Variants in MELK observed in about 807,000 individuals in gnomAD.
The protein encoded by MELK is pEg3 kinase.
Under a neutral mutation model 85.0 loss-of-function variants are expected in MELK, and 81 were observed. The ratio of observed to expected loss-of-function variants is 0.95; its 90% CI spans 0.80 to 1.15. MELK has a LOEUF of 1.15. MELK is among the 50% of genes most tolerant of loss of function. The probability of loss-of-function intolerance (pLI) is 0.00; values close to 1 mark genes in which losing one functional copy is unlikely to be tolerated. For missense variants in MELK, 754 were observed against 777.5 expected (o/e 0.97, Z 0.36); for synonymous variants, 252 against 265.0 (o/e 0.95, Z 0.48).
chr9:36,579,488 T>A (rs544753660), intron 1 of MELK, among the ~76,000 whole-genome samples: 1 of 152,372 alleles, frequency 6.6e-6, no homozygotes, highest in South Asian at 2.1e-4. Flanking sequence ...TAATTTGTTG[T>A]CTACTTATTT....
chr9:36,593,865 G>A (rs1282305272), intron 4 of MELK, among the ~76,000 whole-genome samples: 16 of 152,060 alleles, frequency 1.1e-4, no homozygotes, highest in East Asian at 1.9e-4. Flanking sequence ...CTAATTTTTT[G>A]TATTTTTAGT....
At chr9:36,645,711 T>C (rs1321439274) in intron 11 of MELK, among the ~76,000 whole-genome samples, 7 of 152,170 alleles carry the variant, frequency 4.6e-5, no homozygotes, top group African/African-American at 1.7e-4. Context: ...GATGATTCAG[T>C]TGGTCTAGGG....
chr9:36,594,902 T>G, intron 5 of MELK, 131 bp downstream of exon 5: 2 of 944,832 alleles, frequency 2.1e-6, no homozygotes, highest in Non-Finnish European at 2.9e-6. Context: ...GTCATACCTA[T>G]CAGATTTCTT....
At chr9:36,585,655 G>T (rs1822816788) in intron 3 of MELK, among the ~76,000 whole-genome samples, 1 of 152,064 alleles carries the variant, frequency 6.6e-6, no homozygotes, top group South Asian at 2.1e-4. Context: ...AATAATTTTT[G>T]GTTGGGTGTG....
Position 36,633,097 on chromosome 9 carries a change from A to C in MELK, c.736-5A>C. ...AATCTCTAGCTACTTTTTAATGGCC[A>C]CTAGGTGGACCCAAAGAAACGGATT... On this transcript the variant is annotated splice_polypyrimidine_tract_variant and splice_region_variant and intron_variant, in intron 9 of 17. Coordinates refer to ENST00000298048, the MANE Select transcript of MELK (RefSeq NM_014791.4). 1 of 1,600,764 alleles carries C rather than the reference A, an allele frequency of 6.2e-7. No homozygotes were observed. Among genetic ancestry groups the C allele is most frequent in the South Asian group, 1.1e-5 (1 of 88,664 alleles).
intron 1 of MELK, among the ~76,000 whole-genome samples, chr9:36,574,356 G>T (rs1403257154): frequency 6.7e-6 from 1 of 150,300 alleles, no homozygotes; most frequent in Non-Finnish European, 1.5e-5. Flanking sequence ...AGGCCGAGGT[G>T]GGCGGATCAC....
intron 8 of MELK, among the ~76,000 whole-genome samples, chr9:36,627,524 C>CTCTT (rs761874079): frequency 3.0e-5 from 4 of 134,520 alleles, no homozygotes; most frequent in Non-Finnish European, 6.3e-5. Context: ...CTCTCTCTCT[C>CTCTT]TTTTTTTTTT....
chr9:36,664,733 C>T (rs1178716939), intron 13 of MELK, among the ~76,000 whole-genome samples: 1 of 152,164 alleles, frequency 6.6e-6, no homozygotes, highest in African/African-American at 2.4e-5. Flanking sequence ...GGTTCTAACT[C>T]ACCACCTTGC....
intron 12 of MELK, among the ~76,000 whole-genome samples, chr9:36,652,235 C>T (rs145390231): frequency 1.7e-4 from 26 of 150,456 alleles, no homozygotes; most frequent in African/African-American, 3.4e-4. Context: ...TTAGTAGAGA[C>T]GGGGTTTTGC....
In MELK at chr9:36,636,777, T is replaced by TG. The variant is rs1246989943; in HGVS notation, c.834+3577_834+3578insG. Among the ~76,000 whole-genome samples, 828 of 132,394 alleles carry TG rather than the reference T, an allele frequency of 6.3e-3. 6 individuals carry two copies. The highest frequency in any genetic ancestry group is 0.022 in the African/African-American group (709 of 32,200). The allele number at this position is 132,394 out of a possible 152,430, so 86.9% of individuals were successfully genotyped here. ...CTTTCTTTCTTTCTTTCTTTCTTTC[T>TG]TTCTTTCTGTCTGTCTTTCTTTCTT... On this transcript the variant is annotated intron_variant, in intron 10 of 17. Transcript: ENST00000298048.
chr9:36,599,273 C>T (rs911261584), intron 6 of MELK, 121 bp from the exon 7 acceptor site: 12 of 607,352 alleles, frequency 2.0e-5, no homozygotes, highest in Non-Finnish European at 3.1e-5. Flanking sequence ...TGCACTCCAG[C>T]CTGGGTGACA....
chr9:36,580,729 AT>A (rs113212041), intron 1 of MELK, among the ~76,000 whole-genome samples: 1,953 of 139,860 alleles, frequency 0.014, 18 homozygotes, highest in African/African-American at 0.024. Flanking sequence ...TCTTTGAGAA[AT>A]TTTTTTTTTT....
intron 8 of MELK, among the ~76,000 whole-genome samples, chr9:36,625,812 T>C (rs1195916823): frequency 6.6e-6 from 1 of 151,480 alleles, no homozygotes. Flanking sequence ...TCCCAGCTAC[T>C]CAGTAGGCTG....
At chr9:36,640,602 G>T (rs963314574) in intron 10 of MELK, among the ~76,000 whole-genome samples, 5 of 151,960 alleles carry the variant, frequency 3.3e-5, no homozygotes, top group African/African-American at 1.2e-4. Context: ...GTGAGCCATC[G>T]CACCTGGCTA....
At chr9:36,589,938 T>C (rs1823361275) in intron 4 of MELK, among the ~76,000 whole-genome samples, 1 of 150,856 alleles carries the variant, frequency 6.6e-6, no homozygotes. Flanking sequence ...TTTTTTTTTT[T>C]TGAGACGGAA....
intron 15 of MELK, among the ~76,000 whole-genome samples, chr9:36,670,430 C>G (rs893103240): frequency 2.0e-5 from 3 of 151,978 alleles, no homozygotes; most frequent in Non-Finnish European, 2.9e-5. Flanking sequence ...AGACAACATC[C>G]TTATTCATTG....
chr9:36,633,638 A>G (rs900149536), intron 10 of MELK, among the ~76,000 whole-genome samples: 7 of 152,226 alleles, frequency 4.6e-5, no homozygotes, highest in East Asian at 1.9e-4. Context: ...ATATTTATTT[A>G]TTCATTAAAA....
intron 8 of MELK, among the ~76,000 whole-genome samples, chr9:36,621,930 C>T (rs1827491912): frequency 6.6e-6 from 1 of 152,036 alleles, no homozygotes; most frequent in Non-Finnish European, 1.5e-5. Context: ...AGAGAGCTTA[C>T]CTTAAAATAA....
chr9:36,597,606 A>G (rs897036918), intron 6 of MELK, among the ~76,000 whole-genome samples: 32 of 152,308 alleles, frequency 2.1e-4, no homozygotes, highest in African/African-American at 7.0e-4. Context: ...CAGTGCTTGC[A>G]GTTTGAGTAT....
Sources: gnomAD v4.1 joint callset for allele counts (sites outside exome capture counted in the v4.1 genomes callset) on GRCh38, gnomAD v4.1.1 for gene constraint, MANE v1.5 for transcripts, NCBI Gene and HGNC (gene_info 2026-07-23, HGNC 2026-07-21) for gene names.